The following HERC4 variants were observed in gnomAD, a reference collection of about 807,000 sequenced individuals.
HERC4 encodes probable E3 ubiquitin-protein ligase HERC4.
In HERC4, 28 loss-of-function variants were observed where a neutral mutation model predicts 124.3. The observed-to-expected ratio is 0.23, with a 90% CI of 0.17 to 0.31. The LOEUF (loss-of-function observed/expected upper bound fraction) is 0.31, where lower values mean the gene tolerates loss of function less well. Ranked by LOEUF, HERC4 falls within the 10% of genes least tolerant of loss-of-function variation. The pLI is 1.00. For synonymous variants in HERC4, 407 were observed against 421.5 expected, an observed-to-expected ratio of 0.97 and a Z score of 0.42; for missense variants, 713 against 1,229.3, an observed-to-expected ratio of 0.58 and a Z score of 6.28.
chr10:68,008,565 C>T (rs1005789036), intron 9 of HERC4, among the ~76,000 whole-genome samples: 3 of 152,172 alleles, frequency 2.0e-5, no homozygotes, highest in African/African-American at 4.8e-5. Flanking sequence ...ATGTGGAAAA[C>T]GTCCTTATGT....
intron 3 of HERC4, among the ~76,000 whole-genome samples, chr10:68,048,149 G>A (rs1360556469): frequency 6.6e-6 from 1 of 151,944 alleles, no homozygotes. Context: ...GAACTCCTGG[G>A]CTCAAGTGCT....
At chr10:68,043,879 G>A (rs1322180313) in intron 4 of HERC4, among the ~76,000 whole-genome samples, 4 of 152,042 alleles carry the variant, frequency 2.6e-5, no homozygotes, top group Non-Finnish European at 5.9e-5. Context: ...ACATTGATGA[G>A]GCACTGCTTA....
intron 15 of HERC4, among the ~76,000 whole-genome samples, chr10:67,974,045 CAAAA>C (rs11406155): frequency 1.3e-4 from 5 of 38,474 alleles, no homozygotes; most frequent in Admixed American, 7.2e-4. Context: ...GACTCTGTCT[CAAAA>C]AAAAAAAAAA....
intron 3 of HERC4, among the ~76,000 whole-genome samples, chr10:68,062,394 C>T (rs2041070495): frequency 6.6e-6 from 1 of 152,124 alleles, no homozygotes; most frequent in Non-Finnish European, 1.5e-5. Context: ...CATCTGGTTA[C>T]CAAAGCCTGT....
intron 16 of HERC4, among the ~76,000 whole-genome samples, chr10:67,958,774 A>C (rs1352147277): frequency 6.6e-6 from 1 of 152,190 alleles, no homozygotes; most frequent in Non-Finnish European, 1.5e-5. Context: ...TTAGGTAGGC[A>C]TTTGCTAAAT....
chr10:67,992,177 T>C (rs367582019), intron 11 of HERC4, 22 bp downstream of exon 11: 156 of 1,610,778 alleles, frequency 9.7e-5, no homozygotes, highest in Non-Finnish European at 1.2e-4. Context: ...CCACTGTGCC[T>C]GGCCCAAAAT....
At chr10:67,996,588 G>T (rs987949157) in intron 9 of HERC4, among the ~76,000 whole-genome samples, 1 of 152,090 alleles carries the variant, frequency 6.6e-6, no homozygotes, top group Non-Finnish European at 1.5e-5. Context: ...TAACGTATTA[G>T]AACTTAAAAT....
At chr10:67,988,969 A>G (rs2036412490) in intron 14 of HERC4, 134 bp from the exon 15 acceptor site, 2 of 652,144 alleles carry the variant, frequency 3.1e-6, no homozygotes, top group South Asian at 3.6e-5. Context: ...ATATAACACA[A>G]TATCTTATGT....
chr10:67,962,324 T>C (rs562028436), intron 16 of HERC4, among the ~76,000 whole-genome samples: 3 of 152,072 alleles, frequency 2.0e-5, no homozygotes, highest in African/African-American at 7.2e-5. Context: ...TCTCCTTAGC[T>C]AAACAATGAA....
At chr10:68,062,367 C>T (rs2041068914) in intron 3 of HERC4, among the ~76,000 whole-genome samples, 1 of 152,138 alleles carries the variant, frequency 6.6e-6, no homozygotes, top group African/African-American at 2.4e-5. Flanking sequence ...CTTTCCGTTA[C>T]ATTTACTATT....
intron 9 of HERC4, among the ~76,000 whole-genome samples, chr10:67,999,788 C>A (rs1232624872): frequency 6.6e-6 from 1 of 152,096 alleles, no homozygotes; most frequent in African/African-American, 2.4e-5. Context: ...TTTCATAAAA[C>A]TCTGCTTGAG....
chr10:67,952,182 A>G (rs905480646), intron 19 of HERC4, among the ~76,000 whole-genome samples: 3 of 152,124 alleles, frequency 2.0e-5, no homozygotes, highest in African/African-American at 7.2e-5. Context: ...ATAATCCCTC[A>G]CTATAATAAC....
rs2034009746 is a variant in HERC4 at position 67,954,467 on chromosome 10, G to GT, written c.2337+127dup. Reference sequence around the variant, plus strand: ...TCCAAAGTTTATAATTTCTCAAATTGTAATAAAGCAGATCTTATATGTTAG... The same window carrying GT: ...TCCAAAGTTTATAATTTCTCAAATTGTTAATAAAGCAGATCTTATATGTTAG... On this transcript the variant is annotated intron_variant, in intron 19 of 24. Transcript: ENST00000373700. 7.5e-6 allele frequency: 5 copies of GT among 669,314 alleles called. No individual in the cohort carries two copies. The South Asian group carries it at 1.4e-4, about 19-fold the overall frequency. 41.5% of individuals were successfully genotyped at this position (669,314 alleles called of 1,614,324 possible).
At chr10:68,060,728 A>G (rs1208593632) in intron 3 of HERC4, among the ~76,000 whole-genome samples, 1 of 152,164 alleles carries the variant, frequency 6.6e-6, no homozygotes, top group Admixed American at 6.5e-5. Context: ...TACAGGTAAC[A>G]TCAACCACTC....
intron 22 of HERC4, among the ~76,000 whole-genome samples, chr10:67,934,413 C>G (rs951918346): frequency 4.6e-5 from 7 of 152,150 alleles, no homozygotes; most frequent in African/African-American, 1.7e-4. Context: ...CCTCCATCCT[C>G]TTGATCTAAC....
intron 19 of HERC4, among the ~76,000 whole-genome samples, chr10:67,947,512 T>A (rs1456556483): frequency 1.3e-5 from 2 of 151,770 alleles, no homozygotes; most frequent in Non-Finnish European, 2.9e-5. Context: ...TAATAACTGG[T>A]AGCTTTAATA....
At chr10:67,928,265 T>C (rs557164417) in intron 23 of HERC4, among the ~76,000 whole-genome samples, 3 of 152,184 alleles carry the variant, frequency 2.0e-5, no homozygotes, top group Non-Finnish European at 4.4e-5. Flanking sequence ...TATATCATTT[T>C]CATTTTAAGG....
At chr10:68,069,463 A>G (rs1436384795) in intron 3 of HERC4, 1 of 985,424 alleles carries the variant, frequency 1.0e-6, no homozygotes, top group Non-Finnish European at 1.2e-6. Flanking sequence ...CACCTTTAGT[A>G]TAATAAAGGA....
chr10:68,020,768 C>CA (rs149936767), intron 8 of HERC4, among the ~76,000 whole-genome samples: 218 of 88,288 alleles, frequency 2.5e-3, no homozygotes, highest in African/African-American at 3.5e-3. Context: ...GACTCCGTCT[C>CA]AAAAAAAAAA....
Sources: gnomAD v4.1 joint callset for allele counts (sites outside exome capture counted in the v4.1 genomes callset) on GRCh38, gnomAD v4.1.1 for gene constraint, MANE v1.5 for transcripts, NCBI Gene and HGNC (gene_info 2026-07-23, HGNC 2026-07-21) for gene names.